Variants in RBM48 observed in about 807,000 individuals in gnomAD.
RBM48 encodes RNA-binding protein 48.
Under a neutral mutation model 34.8 loss-of-function variants are expected in RBM48, and 32 were observed. That is an observed-to-expected ratio of 0.92 (90% CI 0.69 to 1.23). The LOEUF is 1.23. Among genes scored for constraint, RBM48 ranks in the 50% most tolerant of loss-of-function variants. The probability of loss-of-function intolerance (pLI) is 0.00; values close to 1 mark genes in which losing one functional copy is unlikely to be tolerated. For synonymous variants in RBM48, 151 were observed against 156.2 expected, an observed-to-expected ratio of 0.97 and a Z score of 0.25; for missense variants, 441 against 447.2, an observed-to-expected ratio of 0.99 and a Z score of 0.12.
In RBM48 at chr7:92,537,031, A is replaced by G. The variant is rs1390531746; in HGVS notation, c.*94A>G. 1 of 857,320 alleles carries G rather than the reference A, an allele frequency of 1.2e-6. No homozygotes were observed. The highest frequency in any genetic ancestry group is 1.8e-6 in the Non-Finnish European group (1 of 564,194). The allele number at this position is 857,320 out of a possible 1,614,324, so 53.1% of individuals were successfully genotyped here. A position where few individuals can be genotyped will look rare whatever the true frequency, so the allele number is the denominator to read the frequency against. On this transcript the variant is annotated 3_prime_UTR_variant, in exon 5 of 5. Coordinates refer to ENST00000265732, the MANE Select transcript of RBM48 (RefSeq NM_032120.4). ...TTCTTCAAGAGATTTTACTGCTGGTATTTTTTAATGCACTCCTCTTTGTAA... is the reference window on the plus strand; with the variant it reads ...TTCTTCAAGAGATTTTACTGCTGGTGTTTTTTAATGCACTCCTCTTTGTAA...
At chr7:92,535,253 C>T (rs1202584709) in intron 4 of RBM48, 1 of 1,291,932 alleles carries the variant, frequency 7.7e-7, no homozygotes, top group Non-Finnish European at 9.9e-7. Context: ...GAGAGTGGAG[C>T]CCAGGCCTGC....
chr7:92,529,367 G>A lies in RBM48; in HGVS notation c.112-109G>A, dbSNP rs550114687. 6.3e-5 allele frequency: 42 copies of A among 671,596 alleles called. No homozygotes were observed. In the African/African-American group the frequency reaches 7.1e-4, roughly 11 times the overall value. 41.6% of individuals were successfully genotyped at this position (671,596 alleles called of 1,614,324 possible). A position where few individuals can be genotyped will look rare whatever the true frequency, so the allele number is the denominator to read the frequency against. ...CATTTTGTGTTCTTTTGCTGACTGG[G>A]TTGAACAGATTATTTCTTGTTTTCA... On this transcript the variant is annotated intron_variant, in intron 1 of 4. Transcript: ENST00000265732.
Position 92,528,827 on chromosome 7 carries a change from G to A in RBM48, c.14G>A (p.Gly5Asp), listed in dbSNP as rs1244877727. Residue 5 changes from glycine to aspartate, a missense_variant, in exon 1 of 5, where the codon GGC becomes GAC. By Grantham distance (94) the Gly-to-Asp change is moderately conservative (BLOSUM62 -1). Coordinates refer to ENST00000265732, the MANE Select transcript of RBM48 (RefSeq NM_032120.4). ...AAAGTAGGCAAGATGGCGTCGAGCG[G>A]CGGGGAGCTAGGGAGTTTATTTGAT... MASSGGELGSLFDHH... is the reference protein window; with the variant it reads MASSDGELGSLFDHH... 1 of 1,614,060 alleles carries A rather than the reference G, an allele frequency of 6.2e-7. No individual in the cohort carries two copies. Among genetic ancestry groups the A allele is most frequent in the Non-Finnish European group, 8.5e-7 (1 of 1,179,936 alleles).
intron 2 of RBM48, among the ~76,000 whole-genome samples, chr7:92,530,177 CAAAAAAAA>C (rs539616414): frequency 2.6e-5 from 2 of 76,014 alleles, no homozygotes; most frequent in African/African-American, 8.5e-5. Flanking sequence ...AGCTCTGCCT[CAAAAAAAA>C]AAAAAAAAAA....
Position 92,528,987 on chromosome 7 carries a change from G to T in RBM48, c.111+63G>T. On this transcript the variant is annotated intron_variant, in intron 1 of 4. Coordinates refer to ENST00000265732, the MANE Select transcript of RBM48 (RefSeq NM_032120.4). ...CTTTATGTGAGTGCTAGCGCCATAT[G>T]ACCAGCCTACGGAAATAAAGGCACG... The T allele has an allele frequency of 2.5e-6, 3 of 1,195,636 alleles. No individual in the cohort carries two copies. In the South Asian group the frequency reaches 3.8e-5, roughly 15 times the overall value. The allele number at this position is 1,195,636 out of a possible 1,614,324, so 74.1% of individuals were successfully genotyped here. A position where few individuals can be genotyped will look rare whatever the true frequency, so the allele number is the denominator to read the frequency against.
At chr7:92,536,819 A>T (rs1387832768) in intron 4 of RBM48, 32 bp from the exon 5 acceptor site, 2 of 1,549,600 alleles carry the variant, frequency 1.3e-6, no homozygotes, top group Non-Finnish European at 1.7e-6. Context: ...ATAGAAACTA[A>T]GTTTTAATGG....
chr7:92,532,913 A>G lies in RBM48; in HGVS notation c.448+364A>G, dbSNP rs180903439. Among the ~76,000 whole-genome samples the G allele has an allele frequency of 3.2e-3, 484 of 152,362 alleles. 4 individuals are homozygous for G. The highest frequency in any genetic ancestry group is 5.4e-3 in the Non-Finnish European group (367 of 68,036). ...AATTAATACAGTATAACCAAAGCCCAAAGGTTTCAGTGAGAGATAAGTTTA... is the reference window on the plus strand; with the variant it reads ...AATTAATACAGTATAACCAAAGCCCGAAGGTTTCAGTGAGAGATAAGTTTA... On this transcript the variant is annotated intron_variant, in intron 3 of 4. Coordinates refer to ENST00000265732, the MANE Select transcript of RBM48 (RefSeq NM_032120.4).
chr7:92,536,881 G>C lies in RBM48; in HGVS notation c.1048G>C (p.Asp350His). Reference protein sequence around the residue: ...VISSVPKPPEDKPEDVHTSHP... With the variant: ...VISSVPKPPEHKPEDVHTSHP... ...TTCATCTGTGCCAAAGCCTCCAGAG[G>C]ACAAGCCAGAAGATGTACATACAAG... Residue 350 changes from aspartate (D) to histidine (H), a missense_variant, in exon 5 of 5, where the codon GAC becomes CAC. By Grantham distance (81) the Asp-to-His change is moderately conservative (BLOSUM62 -1). Coordinates refer to ENST00000265732, the MANE Select transcript of RBM48 (RefSeq NM_032120.4). The C allele has an allele frequency of 6.2e-7, 1 of 1,607,688 alleles. No individual in the cohort carries two copies. The highest frequency in any genetic ancestry group is 8.5e-7 in the Non-Finnish European group (1 of 1,177,678).
chr7:92,537,776 GT>G lies in RBM48; in HGVS notation c.*840del, dbSNP rs1401429943. 1 of 152,146 alleles carries G rather than the reference GT, an allele frequency of 6.6e-6. No homozygotes were observed. Among genetic ancestry groups the G allele is most frequent in the Non-Finnish European group, 1.5e-5 (1 of 68,024 alleles). The allele number at this position is 152,146 out of a possible 1,614,324, so 9.4% of individuals were successfully genotyped here. A position where few individuals can be genotyped will look rare whatever the true frequency, so the allele number is the denominator to read the frequency against. ...TTCTGGCATATCCACACTTTTTTCT[GT>G]CAGTGGATTACATAATTGGAAATTT... On this transcript the variant is annotated 3_prime_UTR_variant, in exon 5 of 5. Transcript: ENST00000265732.
rs1793798035 is a variant in RBM48, at chr7:92,539,105, CTT to C, written c.*2170_*2171del. Among the ~76,000 whole-genome samples the C allele has an allele frequency of 6.6e-6, 1 of 152,218 alleles. No homozygotes were observed. Among genetic ancestry groups the C allele is most frequent in the African/African-American group, 2.4e-5 (1 of 41,452 alleles). On this transcript the variant is annotated 3_prime_UTR_variant, in exon 5 of 5. Transcript: ENST00000265732. ...CCAGTGCTGCTGGTGCACAGACCAT[CTT>C]TGAATAGCAAGGCTCTAGATAACTG...
At position 92,539,336 on chromosome 7, in the gene RBM48, ATAAAT is replaced by A. The variant is rs755058089; in HGVS notation, c.*2404_*2408del. On this transcript the variant is annotated 3_prime_UTR_variant, in exon 5 of 5. Coordinates refer to ENST00000265732, the MANE Select transcript of RBM48 (RefSeq NM_032120.4). ...GAGGGAATAAACTACAGGGAGACAA[ATAAAT>A]TAAAGAGATGAGTTGAGGTGGATAA... Among the ~76,000 whole-genome samples, 17 of 152,270 alleles carry A rather than the reference ATAAAT, an allele frequency of 1.1e-4. No individual in the cohort carries two copies. The highest frequency in any genetic ancestry group is 2.7e-4 in the African/African-American group (11 of 41,468).
Position 92,528,831 on chromosome 7 carries a change from G to T in RBM48, c.18G>T (p.Gly6=), listed in dbSNP as rs1241480758. 13 of 1,613,938 alleles carry T rather than the reference G, an allele frequency of 8.1e-6. No homozygotes were observed. The highest frequency in any genetic ancestry group is 1.1e-5 in the Non-Finnish European group (13 of 1,179,952). ...TAGGCAAGATGGCGTCGAGCGGCGG[G>T]GAGCTAGGGAGTTTATTTGATCACC... The part of the protein sequence containing the change: MASSG[G]ELGSLFDHHV... The change falls in exon 1 of 5, where the codon GGG becomes GGT. Residue 6 remains glycine, a synonymous_variant. Coordinates refer to ENST00000265732, the MANE Select transcript of RBM48 (RefSeq NM_032120.4).
chr7:92,531,837 G>C (rs1047969501), intron 2 of RBM48, among the ~76,000 whole-genome samples: 3 of 152,168 alleles, frequency 2.0e-5, no homozygotes, highest in African/African-American at 7.2e-5. Context: ...ATCTCAACAA[G>C]TATTTATCAT....
intron 2 of RBM48, 74 bp from the exon 3 acceptor site, chr7:92,532,330 A>G: frequency 7.9e-7 from 1 of 1,269,500 alleles, no homozygotes; most frequent in South Asian, 1.4e-5. Context: ...AGATCCAGAT[A>G]TTGCATACTA....
chr7:92,530,236 G>A (rs187282416), intron 2 of RBM48, among the ~76,000 whole-genome samples: 28 of 151,088 alleles, frequency 1.9e-4, no homozygotes, highest in African/African-American at 5.6e-4. Context: ...ACTCACGCCT[G>A]TAATCCCAGC....
At chr7:92,535,179 C>T in intron 4 of RBM48, 4 of 1,419,648 alleles carry the variant, frequency 2.8e-6, no homozygotes, top group Non-Finnish European at 2.8e-6. Flanking sequence ...AATGAACAGA[C>T]ATTTTATATC....
chr7:92,536,991 A>G lies in RBM48; in HGVS notation c.*54A>G. The stretch of plus-strand genomic sequence containing the variant: ...AAAAGAACATTTATTATTTATTTTT[A>G]GCCTGTCATTTTAATTCTTCAAGAG... On this transcript the variant is annotated 3_prime_UTR_variant, in exon 5 of 5. Coordinates refer to ENST00000265732, the MANE Select transcript of RBM48 (RefSeq NM_032120.4). 1 of 1,308,014 alleles carries G rather than the reference A, an allele frequency of 7.6e-7. No homozygotes were observed. The highest frequency in any genetic ancestry group is 1.5e-5 in the African/African-American group (1 of 65,972). 81.0% of individuals were successfully genotyped at this position (1,308,014 alleles called of 1,614,324 possible).
chr7:92,529,382 T>A, intron 1 of RBM48, 94 bp from the exon 2 acceptor site: 2 of 732,858 alleles, frequency 2.7e-6, no homozygotes, highest in South Asian at 3.7e-5. Context: ...ACAGATTATT[T>A]CTTGTTTTCA....
chr7:92,532,728 T>C lies in RBM48; in HGVS notation c.448+179T>C, dbSNP rs10488515. Among the ~76,000 whole-genome samples, 6,072 of 152,222 alleles carry C rather than the reference T, an allele frequency of 0.04. 181 individuals are homozygous for C. The highest frequency in any genetic ancestry group is 0.068 in the Non-Finnish European group (4,653 of 67,986). On this transcript the variant is annotated intron_variant, in intron 3 of 4. Coordinates refer to ENST00000265732, the MANE Select transcript of RBM48 (RefSeq NM_032120.4). ...AATCTGGGTTGAGAAGGGAGAAATA[T>C]TGGTTCATAGAAGACTTCCTATAGT...
Sources: gnomAD v4.1 joint callset for allele counts (sites outside exome capture counted in the v4.1 genomes callset) on GRCh38, gnomAD v4.1.1 for gene constraint, MANE v1.5 for transcripts, NCBI Gene and HGNC (gene_info 2026-07-23, HGNC 2026-07-21) for gene names.